Variants in SLC35B3 observed in about 807,000 individuals in gnomAD.
SLC35B3 encodes the protein solute carrier family 35 member B3, also known as adenosine 3'-phospho 5'-phosphosulfate transporter 2.
SLC35B3 carries 35 observed loss-of-function variants against 44.1 expected under a neutral mutation model. That is an observed-to-expected ratio of 0.79 (90% CI 0.61 to 1.05). The LOEUF (loss-of-function observed/expected upper bound fraction) is 1.05, where lower values mean the gene tolerates loss of function less well. SLC35B3 is among the 50% of genes least tolerant of loss of function. The probability of loss-of-function intolerance (pLI) is 0.00; values close to 1 mark genes in which losing one functional copy is unlikely to be tolerated. For missense variants in SLC35B3, 414 were observed against 476.4 expected (o/e 0.87, Z 1.22); for synonymous variants, 146 against 167.3 (o/e 0.87, Z 0.98).
chr6:8,412,919 G>A lies in SLC35B3; in HGVS notation c.*630C>T, dbSNP rs1342211970. 3.3e-5 allele frequency: 5 copies of A among 152,072 alleles called. No homozygotes were observed. Among genetic ancestry groups the A allele is most frequent in the Admixed American group, 6.5e-5 (1 of 15,268 alleles). The allele number at this position is 152,072 out of a possible 1,614,324, so 9.4% of individuals were successfully genotyped here. Reference sequence around the variant, plus strand: ...CGTGGTCTGGTTCCTAACAGGCCACGGACTGGTACCAGTCCACGGCCTGGG... The same window carrying A: ...CGTGGTCTGGTTCCTAACAGGCCACAGACTGGTACCAGTCCACGGCCTGGG... On this transcript the variant is annotated 3_prime_UTR_variant, in exon 11 of 11. Coordinates refer to ENST00000644923, the MANE Select transcript of SLC35B3 (RefSeq NM_001370476.2).
chr6:8,416,217 C>T (rs1362627024), intron 9 of SLC35B3, among the ~76,000 whole-genome samples: 1 of 152,156 alleles, frequency 6.6e-6, no homozygotes, highest in East Asian at 1.9e-4. Flanking sequence ...ATGATTATTG[C>T]CAGCTCTGGC....
intron 4 of SLC35B3, among the ~76,000 whole-genome samples, chr6:8,424,049 T>A (rs1018986616): frequency 6.6e-6 from 1 of 152,122 alleles, no homozygotes; most frequent in Middle Eastern, 3.2e-3. Context: ...AGTAGCACAG[T>A]ACAGGTAGAA....
rs537241906 is a variant in SLC35B3 at position 8,413,699 on chromosome 6, C to T, written c.1056G>A (p.Gln352=). ...CAACTAACAAACCAGACCATACATACCTAAGAGAAAGAAATAAGGAAAAAA... is the reference window on the plus strand; with the variant it reads ...CAACTAACAAACCAGACCATACATATCTAAGAGAAAGAAATAAGGAAAAAA... The change falls in exon 11 of 11, where the codon CAG becomes CAA. Residue 352 remains glutamine, a splice_region_variant and synonymous_variant. Coordinates refer to ENST00000644923, the MANE Select transcript of SLC35B3 (RefSeq NM_001370476.2). 6 of 1,502,712 alleles carry T rather than the reference C, an allele frequency of 4.0e-6. No homozygotes were observed. The South Asian group carries it at 7.5e-5, about 19-fold the overall frequency. 93.1% of individuals were successfully genotyped at this position (1,502,712 alleles called of 1,614,324 possible). A position where few individuals can be genotyped will look rare whatever the true frequency, so the allele number is the denominator to read the frequency against.
At chr6:8,425,965 T>C (rs1434023877) in intron 4 of SLC35B3, among the ~76,000 whole-genome samples, 6 of 152,230 alleles carry the variant, frequency 3.9e-5, no homozygotes, top group Non-Finnish European at 8.8e-5. Flanking sequence ...ATCTAGATGG[T>C]TGCTACCTGA....
chr6:8,429,807 A>C, intron 3 of SLC35B3, 57 bp downstream of exon 2: 1 of 1,312,610 alleles, frequency 7.6e-7, no homozygotes, highest in Non-Finnish European at 1.0e-6. Flanking sequence ...GTAAATGCCC[A>C]TACTGACCGC....
At position 8,411,929 on chromosome 6, in the gene SLC35B3, T is replaced by G. The variant is rs2113200887; in HGVS notation, c.*1620A>C. ...ACTGCTAAAAATAAGTGCCCAAATC[T>G]TTGAATTTAGACTCAAAACTATGCA... On this transcript the variant is annotated 3_prime_UTR_variant, in exon 11 of 11. Coordinates refer to ENST00000644923, the MANE Select transcript of SLC35B3 (RefSeq NM_001370476.2). 6.6e-6 allele frequency among the ~76,000 whole-genome samples: 1 copy of G among 152,292 alleles called. No homozygotes were observed. Among genetic ancestry groups the G allele is most frequent in the East Asian group, 1.9e-4 (1 of 5,188 alleles).
rs184197822 is a variant in SLC35B3, at chr6:8,420,011, A to C, written c.683-334T>G. 2.0e-5 allele frequency among the ~76,000 whole-genome samples: 3 copies of C among 151,950 alleles called. No individual in the cohort carries two copies. The East Asian group carries it at 5.8e-4, about 29-fold the overall frequency. Reference sequence around the variant, plus strand: ...TGTAGAAGAAACTCTTAGGATATCTATCTATTGGGATTGGTGGCTATTCAG... The same window carrying C: ...TGTAGAAGAAACTCTTAGGATATCTCTCTATTGGGATTGGTGGCTATTCAG... On this transcript the variant is annotated intron_variant, in intron 6 of 10. Coordinates refer to ENST00000644923, the MANE Select transcript of SLC35B3 (RefSeq NM_001370476.2). This position sits in a 1 kb window ranked among gnomAD's most constrained non-coding sequence, Gnocchi z 4.4.
In SLC35B3 at chr6:8,412,973, A is replaced by C. The variant is rs894464612; in HGVS notation, c.*576T>G. The C allele has an allele frequency of 7.2e-5, 11 of 152,336 alleles. No homozygotes were observed. The highest frequency in any genetic ancestry group is 6.5e-4 in the Admixed American group (10 of 15,294). The allele number at this position is 152,336 out of a possible 1,614,324, so 9.4% of individuals were successfully genotyped here. On this transcript the variant is annotated 3_prime_UTR_variant, in exon 11 of 11. Transcript: ENST00000644923. ...TTGGGAGCTCCTGCTCTAAAGAATAATTTTAAATCAGAGAAAACTCAAGTT... is the reference window on the plus strand; with the variant it reads ...TTGGGAGCTCCTGCTCTAAAGAATACTTTTAAATCAGAGAAAACTCAAGTT...
In SLC35B3 at chr6:8,420,827, T is replaced by A. The variant is rs143539087; in HGVS notation, c.576A>T (p.Gly192=). The change falls in exon 6 of 11, where the codon GGA becomes GGT. Residue 192 remains glycine, a splice_region_variant and synonymous_variant. Coordinates refer to ENST00000644923, the MANE Select transcript of SLC35B3 (RefSeq NM_001370476.2). The surrounding 1 kb of genome is among the most constrained non-coding windows in gnomAD (Gnocchi z 4.4). ...ACACATCTGCAACATTATAACGCTT[T>A]CCTGTATAAAACAAACGTAAGTCCA... 1.7e-3 allele frequency: 2,762 copies of A among 1,606,566 alleles called. 43 individuals carry two copies. The African/African-American group carries it at 0.033, about 19-fold the overall frequency.
chr6:8,427,818 C>A, intron 4 of SLC35B3, 119 bp downstream of exon 3: 1 of 780,914 alleles, frequency 1.3e-6, no homozygotes, highest in Non-Finnish European at 2.0e-6. Context: ...GTTAGTTACA[C>A]TAAGAGTTCG....
Position 8,435,143 on chromosome 6 carries a change from G to A in SLC35B3, c.-44+200C>T, listed in dbSNP as rs1234624498. 3 of 1,280,188 alleles carry A rather than the reference G, an allele frequency of 2.3e-6. No homozygotes were observed. The highest frequency in any genetic ancestry group is 5.6e-5 in the East Asian group (1 of 17,928). The allele number at this position is 1,280,188 out of a possible 1,614,324, so 79.3% of individuals were successfully genotyped here. A position where few individuals can be genotyped will look rare whatever the true frequency, so the allele number is the denominator to read the frequency against. ...AGCCCGAGGGCGAAAAACGGGCGAG[G>A]AGGAACAGATGCTCCTCCCTGGAAA... On this transcript the variant is annotated intron_variant, in intron 1 of 10. Coordinates refer to ENST00000644923, the MANE Select transcript of SLC35B3 (RefSeq NM_001370476.2). The surrounding 1 kb of genome is among the most constrained non-coding windows in gnomAD (Gnocchi z 5.5).
intron 4 of SLC35B3, 72 bp from the exon 4 acceptor site, chr6:8,422,696 T>A (rs762525292): frequency 8.4e-7 from 1 of 1,185,704 alleles, no homozygotes; most frequent in Non-Finnish European, 1.2e-6. Flanking sequence ...TGTGTTCACA[T>A]TGTGTAAATG....
intron 2 of SLC35B3, 41 bp from the exon 2 acceptor site, chr6:8,430,198 A>C: frequency 6.8e-7 from 1 of 1,462,380 alleles, no homozygotes; most frequent in Non-Finnish European, 9.2e-7. Flanking sequence ...TACATGATAA[A>C]GTTTAATCCT....
At position 8,422,628 on chromosome 6, in the gene SLC35B3, TA is replaced by T. The variant is rs1374645574; in HGVS notation, c.420-5del. 7.5e-6 allele frequency: 12 copies of T among 1,599,596 alleles called. No homozygotes were observed. The highest frequency in any genetic ancestry group is 1.0e-5 in the Non-Finnish European group (12 of 1,175,380). On this transcript the variant is annotated splice_polypyrimidine_tract_variant and splice_region_variant and intron_variant, in intron 4 of 10. Coordinates refer to ENST00000644923, the MANE Select transcript of SLC35B3 (RefSeq NM_001370476.2). ...CATGTAGGTTTTTCCTGGTATTCTG[TA>T]AAAGACAATTTTTAAAACCTTCATT...
Position 8,420,683 on chromosome 6 carries a change from A to C in SLC35B3, c.682+38T>G. 1 of 1,457,526 alleles carries C rather than the reference A, an allele frequency of 6.9e-7. No individual in the cohort carries two copies. 90.3% of individuals were successfully genotyped at this position (1,457,526 alleles called of 1,614,324 possible). On this transcript the variant is annotated intron_variant, in intron 6 of 10. Transcript: ENST00000644923. This position sits in a 1 kb window ranked among gnomAD's most constrained non-coding sequence, Gnocchi z 4.4. Reference sequence around the variant, plus strand: ...TTCGAAATTCGTATTCTAAACTAAAAAGCCTATAAAAGCTAGGAATATAAA... The same window carrying C: ...TTCGAAATTCGTATTCTAAACTAAACAGCCTATAAAAGCTAGGAATATAAA...
chr6:8,435,388 G>A lies in SLC35B3; in HGVS notation c.-89C>T. 1 of 1,288,660 alleles carries A rather than the reference G, an allele frequency of 7.8e-7. No individual in the cohort carries two copies. Among genetic ancestry groups the A allele is most frequent in the Non-Finnish European group, 1.0e-6 (1 of 988,752 alleles). 79.8% of individuals were successfully genotyped at this position (1,288,660 alleles called of 1,614,324 possible). ...CGGAAGGGTGACGGCAGCCTGCGTG[G>A]CGTCTGAGCTAGACGGAGCATCTCC... is the stretch of plus-strand genomic sequence containing the variant. On this transcript the variant is annotated 5_prime_UTR_variant, in exon 1 of 11. Coordinates refer to ENST00000644923, the MANE Select transcript of SLC35B3 (RefSeq NM_001370476.2). The surrounding 1 kb of genome is among the most constrained non-coding windows in gnomAD (Gnocchi z 5.5).
chr6:8,413,416 A>T lies in SLC35B3; in HGVS notation c.*133T>A. ...AAGAAAAGGCTGACACCGCAAAACA[A>T]CTTCATATGAAATCTGTCCACAAAT... On this transcript the variant is annotated 3_prime_UTR_variant, in exon 11 of 11. Transcript: ENST00000644923. 1 of 752,782 alleles carries T rather than the reference A, an allele frequency of 1.3e-6. No individual in the cohort carries two copies. The allele number at this position is 752,782 out of a possible 1,614,324, so 46.6% of individuals were successfully genotyped here.
At chr6:8,415,352 G>T (rs939024007) in intron 9 of SLC35B3, among the ~76,000 whole-genome samples, 1 of 152,116 alleles carries the variant, frequency 6.6e-6, no homozygotes, top group African/African-American at 2.4e-5. Flanking sequence ...GTAATCTAAA[G>T]GATATACTCA....
rs1383944598 is a variant in SLC35B3, at chr6:8,411,930, T to C, written c.*1619A>G. The stretch of plus-strand genomic sequence containing the variant: ...CTGCTAAAAATAAGTGCCCAAATCT[T>C]TGAATTTAGACTCAAAACTATGCAT... On this transcript the variant is annotated 3_prime_UTR_variant, in exon 11 of 11. Coordinates refer to ENST00000644923, the MANE Select transcript of SLC35B3 (RefSeq NM_001370476.2). Among the ~76,000 whole-genome samples the C allele has an allele frequency of 1.3e-5, 2 of 152,198 alleles. No homozygotes were observed. The highest frequency in any genetic ancestry group is 4.8e-5 in the African/African-American group (2 of 41,452).
Sources: allele counts gnomAD v4.1 joint callset (sites outside exome capture counted in the v4.1 genomes callset), GRCh38; gene constraint gnomAD v4.1.1; non-coding constraint Gnocchi (gnomAD v3.1); transcripts MANE v1.5; gene names NCBI Gene and HGNC (gene_info 2026-07-23, HGNC 2026-07-21).